DMXL1: variants seen among roughly 807,000 people sequenced by gnomAD.
DMXL1 encodes Dmx like 1.
A neutral mutation model predicts 319.2 loss-of-function variants in DMXL1; 99 were observed. The ratio of observed to expected loss-of-function variants is 0.31; its 90% CI spans 0.26 to 0.37. The LOEUF (loss-of-function observed/expected upper bound fraction) is 0.37, where lower values mean the gene tolerates loss of function less well. Among genes scored for constraint, DMXL1 ranks in the 10% least tolerant of loss-of-function variants. The pLI, the probability that DMXL1 is intolerant of heterozygous loss-of-function variation, is 1.00. For missense variants in DMXL1, 3,745 were observed against 3,595.6 expected, an observed-to-expected ratio of 1.04 and a Z score of -1.06; for synonymous variants, 1,385 against 1,235.2, an observed-to-expected ratio of 1.12 and a Z score of -2.54.
chr5:119,094,826 G>A (rs565950954), intron 1 of DMXL1, among the ~76,000 whole-genome samples: 2 of 151,974 alleles, frequency 1.3e-5, no homozygotes, highest in South Asian at 4.2e-4. Flanking sequence ...CTTCAGTAGA[G>A]GAAGTAACTG....
chr5:119,097,121 T>A (rs73790963), intron 1 of DMXL1, among the ~76,000 whole-genome samples: 3,295 of 152,122 alleles, frequency 0.022, 119 homozygotes, highest in African/African-American at 0.075. Context: ...CACCTTGAGA[T>A]GTAAAAAGGA....
chr5:119,111,001 C>G (rs1561605227), intron 5 of DMXL1, among the ~76,000 whole-genome samples: 1 of 152,132 alleles, frequency 6.6e-6, no homozygotes, highest in African/African-American at 2.4e-5. Flanking sequence ...GTTGGCCAGG[C>G]TGGTCTTGAA....
chr5:119,234,617 A>T (rs954154815), intron 39 of DMXL1, among the ~76,000 whole-genome samples: 1 of 152,124 alleles, frequency 6.6e-6, no homozygotes, highest in Non-Finnish European at 1.5e-5. Context: ...CTTAGTGGGA[A>T]ATTAAGGGAA....
chr5:119,192,946 C>G (rs954957267), intron 29 of DMXL1, among the ~76,000 whole-genome samples: 5 of 152,122 alleles, frequency 3.3e-5, no homozygotes, highest in African/African-American at 1.2e-4. Flanking sequence ...CTCAACTTCT[C>G]TTGTTCTCCA....
intron 2 of DMXL1, chr5:119,100,783 T>C (rs1245640123): frequency 7.4e-6 from 1 of 134,328 alleles, no homozygotes; most frequent in African/African-American, 2.8e-5. Flanking sequence ...TTTTTTTTTT[T>C]TTTTTTTTTT....
intron 38 of DMXL1, among the ~76,000 whole-genome samples, chr5:119,225,810 C>T (rs1256755027): frequency 6.6e-6 from 1 of 152,044 alleles, no homozygotes; most frequent in East Asian, 1.9e-4. Flanking sequence ...ATTTATTCAT[C>T]GCTAGAAGTG....
intron 19 of DMXL1, among the ~76,000 whole-genome samples, chr5:119,156,652 ATT>A (rs948056454): frequency 2.5e-4 from 38 of 149,952 alleles, no homozygotes; most frequent in African/African-American, 9.0e-4. Flanking sequence ...TTGTTTTTAA[ATT>A]TTTTCTTTTT....
At chr5:119,126,457 A>C (rs1763597592) in intron 9 of DMXL1, among the ~76,000 whole-genome samples, 2 of 152,206 alleles carry the variant, frequency 1.3e-5, no homozygotes, top group Admixed American at 6.5e-5. Flanking sequence ...CCACCAGGAC[A>C]TGACTGTATA....
At chr5:119,122,927 C>G (rs1002546999) in intron 9 of DMXL1, among the ~76,000 whole-genome samples, 2 of 152,172 alleles carry the variant, frequency 1.3e-5, no homozygotes, top group Non-Finnish European at 2.9e-5. Flanking sequence ...GCTGCAATCT[C>G]GGCACTTTGG....
chr5:119,156,858 A>C (rs747215061), intron 19 of DMXL1, among the ~76,000 whole-genome samples: 1 of 152,076 alleles, frequency 6.6e-6, no homozygotes, highest in African/African-American at 2.4e-5. Context: ...TCTTTCTGAT[A>C]ATAGACATTC....
rs1749490192 is a variant in DMXL1, at chr5:119,071,350, TCCGCCCTC to T, written c.-219_-212del. On this transcript the variant is annotated 5_prime_UTR_variant, in exon 1 of 44. Transcript: ENST00000539542. ...ACAGGTGCGCGAAGGAGCGCGGCGC[TCCGCCCTC>T]TCGCCGACCCGCCCCCTCCGGGCCT... 3 of 541,878 alleles carry T rather than the reference TCCGCCCTC, an allele frequency of 5.5e-6. No homozygotes were observed. The South Asian group carries it at 6.4e-5, about 12-fold the overall frequency. 33.6% of individuals were successfully genotyped at this position (541,878 alleles called of 1,614,324 possible).
At chr5:119,172,778 C>T (rs1053450856) in intron 25 of DMXL1, among the ~76,000 whole-genome samples, 1 of 152,054 alleles carries the variant, frequency 6.6e-6, no homozygotes, top group African/African-American at 2.4e-5. Context: ...TCATCCACCT[C>T]ACAGGTTGTA....
At chr5:119,112,399 A>G (rs1373636869) in intron 5 of DMXL1, among the ~76,000 whole-genome samples, 2 of 152,222 alleles carry the variant, frequency 1.3e-5, no homozygotes, top group Non-Finnish European at 2.9e-5. Context: ...AGCTTTAAAG[A>G]TGCTTAGAAT....
chr5:119,098,824 T>C (rs1485222088), intron 2 of DMXL1, among the ~76,000 whole-genome samples: 2 of 152,182 alleles, frequency 1.3e-5, no homozygotes, highest in East Asian at 3.8e-4. Context: ...TAGACTGGAC[T>C]GAACTTCGCA....
At chr5:119,106,543 A>G (rs1758387574) in intron 4 of DMXL1, among the ~76,000 whole-genome samples, 1 of 152,238 alleles carries the variant, frequency 6.6e-6, no homozygotes, top group African/African-American at 2.4e-5. Context: ...AGACCTTACC[A>G]TGTTATAGGA....
intron 28 of DMXL1, among the ~76,000 whole-genome samples, chr5:119,180,137 A>G (rs1303048128): frequency 6.6e-6 from 1 of 152,170 alleles, no homozygotes; most frequent in African/African-American, 2.4e-5. Flanking sequence ...TTTGGAATAG[A>G]ATATTTGCCT....
intron 15 of DMXL1, among the ~76,000 whole-genome samples, chr5:119,145,651 G>C (rs1043521268): frequency 5.9e-5 from 9 of 151,626 alleles, no homozygotes; most frequent in Admixed American, 2.6e-4. Context: ...ATAAGGTTGA[G>C]TTTTTCTGTG....
chr5:119,090,256 G>C (rs1350849402), intron 1 of DMXL1, among the ~76,000 whole-genome samples: 2 of 151,386 alleles, frequency 1.3e-5, no homozygotes, highest in Non-Finnish European at 2.9e-5. Flanking sequence ...CCGGACCTCA[G>C]GTGATTTGCC....
Position 119,177,408 on chromosome 5 carries a change from T to C in DMXL1, c.6810T>C (p.Leu2270=), listed in dbSNP as rs1561804751. ...FTGMVYQTVL[L]PHRPSLKTGS... ...GAATGGTATATCAGACAGTACTGCT[T>C]CCTCATCGACCTTCTTTGAAAACAG... Residue 2270 remains leucine, a synonymous_variant, in exon 27 of 44, where the codon CTT becomes CTC. Transcript: ENST00000539542. 6.2e-7 allele frequency: 1 copy of C among 1,609,018 alleles called. No homozygotes were observed. Among genetic ancestry groups the C allele is most frequent in the Non-Finnish European group, 8.5e-7 (1 of 1,176,894 alleles).
Sources: gnomAD v4.1 joint callset for allele counts (sites outside exome capture counted in the v4.1 genomes callset) on GRCh38, gnomAD v4.1.1 for gene constraint, MANE v1.5 for transcripts, NCBI Gene and HGNC (gene_info 2026-07-23, HGNC 2026-07-21) for gene names.